FRMD4A: variants seen among roughly 807,000 people sequenced by gnomAD.
The protein encoded by FRMD4A is FERM domain-containing protein 4A.
FRMD4A carries 29 observed loss-of-function variants against 129.1 expected under a neutral mutation model. That is an observed-to-expected ratio of 0.22 (90% CI 0.17 to 0.31). FRMD4A has a LOEUF of 0.31. Among genes scored for constraint, FRMD4A ranks in the 10% least tolerant of loss-of-function variants. The pLI, the probability that FRMD4A is intolerant of heterozygous loss-of-function variation, is 1.00. For synonymous variants in FRMD4A, 634 were observed against 571.6 expected, an observed-to-expected ratio of 1.11 and a Z score of -1.56; for missense variants, 1,272 against 1,375.8, an observed-to-expected ratio of 0.92 and a Z score of 1.19.
chr10:13,835,101 G>A (rs2093852133), intron 3 of FRMD4A, among the ~76,000 whole-genome samples: 1 of 152,152 alleles, frequency 6.6e-6, no homozygotes, highest in South Asian at 2.1e-4. Context: ...TTTTCAAAAT[G>A]CATTCATTCA....
At position 14,301,869 on chromosome 10, in the gene FRMD4A, AG is replaced by A. The variant is rs1223211970; in HGVS notation, c.45+28188del. Among the ~76,000 whole-genome samples, 10 of 152,268 alleles carry A rather than the reference AG, an allele frequency of 6.6e-5. No homozygotes were observed. The East Asian group carries it at 1.2e-3, about 18-fold the overall frequency. ...GGTAAATAGAAATTGCCTGAAGAGT[AG>A]GCTGTATAACCCTGGATGGTTGGGT... On this transcript the variant is annotated intron_variant, in intron 2 of 24. Coordinates refer to ENST00000357447, the MANE Select transcript of FRMD4A (RefSeq NM_018027.5).
chr10:14,168,105 C>T (rs577858554), intron 2 of FRMD4A, among the ~76,000 whole-genome samples: 10 of 152,154 alleles, frequency 6.6e-5, no homozygotes, highest in East Asian at 1.9e-4. Flanking sequence ...AGAAGAGAGA[C>T]GAGGCAGAAT....
intron 2 of FRMD4A, among the ~76,000 whole-genome samples, chr10:13,892,368 C>G (rs1464168987): frequency 6.6e-6 from 1 of 152,022 alleles, no homozygotes; most frequent in Non-Finnish European, 1.5e-5. Flanking sequence ...GCAGGATAAC[C>G]GAGGCATGTG....
intron 4 of FRMD4A, among the ~76,000 whole-genome samples, chr10:13,796,977 C>T (rs2093133579): frequency 6.6e-6 from 1 of 152,198 alleles, no homozygotes; most frequent in South Asian, 2.1e-4. Context: ...ACCTCGGCCT[C>T]CCAAAGTGCT....
intron 2 of FRMD4A, among the ~76,000 whole-genome samples, chr10:14,108,260 CAT>C (rs1837688760): frequency 6.6e-6 from 1 of 152,168 alleles, no homozygotes; most frequent in Non-Finnish European, 1.5e-5. Context: ...TAAAACAACT[CAT>C]AAGCTATGCA....
Position 14,045,764 on chromosome 10 carries a change from T to A in FRMD4A, c.46-186852A>T, listed in dbSNP as rs573300064. Reference sequence around the variant, plus strand: ...TACCAGACATATATAATGTAAAGTATAATATATATCTATAATCATATTATA... The same window carrying A: ...TACCAGACATATATAATGTAAAGTAAAATATATATCTATAATCATATTATA... On this transcript the variant is annotated intron_variant, in intron 2 of 24. Coordinates refer to ENST00000357447, the MANE Select transcript of FRMD4A (RefSeq NM_018027.5). Among the ~76,000 whole-genome samples the A allele has an allele frequency of 5.0e-3, 725 of 145,756 alleles. 13 individuals are homozygous for A. Among genetic ancestry groups the A allele is most frequent in the African/African-American group, 0.017 (690 of 40,216 alleles).
At chr10:14,107,386 T>C (rs1837642976) in intron 2 of FRMD4A, among the ~76,000 whole-genome samples, 3 of 152,296 alleles carry the variant, frequency 2.0e-5, no homozygotes, top group Admixed American at 2.0e-4. Flanking sequence ...AACCAAAAGT[T>C]GCTTTAAATA....
chr10:14,294,110 G>C (rs1264749086), intron 2 of FRMD4A, among the ~76,000 whole-genome samples: 1 of 152,160 alleles, frequency 6.6e-6, no homozygotes, highest in African/African-American at 2.4e-5. Context: ...GTGCAGTCAA[G>C]CAGGGGCACC....
intron 2 of FRMD4A, among the ~76,000 whole-genome samples, chr10:14,242,343 A>G (rs967711107): frequency 6.6e-5 from 10 of 152,312 alleles, no homozygotes; most frequent in Middle Eastern, 3.4e-3. Flanking sequence ...CGCTAACTCA[A>G]ATCAGAAGCA....
intron 2 of FRMD4A, among the ~76,000 whole-genome samples, chr10:13,982,875 CA>C: frequency 6.6e-6 from 1 of 152,344 alleles, no homozygotes; most frequent in African/African-American, 2.4e-5. Context: ...AGGGCAAAGG[CA>C]AAGATTTCTC....
At position 13,719,672 on chromosome 10, in the gene FRMD4A, C is replaced by T. The variant is rs3814675; in HGVS notation, c.760-12559G>A. On this transcript the variant is annotated intron_variant, in intron 12 of 24. Coordinates refer to ENST00000357447, the MANE Select transcript of FRMD4A (RefSeq NM_018027.5). ...AGAAGGAGGGGGAAAAAAAGCCTTACACAGCTTCCTAAGTATTGGCTGGTT... is the reference window on the plus strand; with the variant it reads ...AGAAGGAGGGGGAAAAAAAGCCTTATACAGCTTCCTAAGTATTGGCTGGTT... Among the ~76,000 whole-genome samples the T allele has an allele frequency of 0.01, 1,579 of 152,272 alleles. 68 individuals carry two copies. The South Asian group carries it at 0.11, about 11-fold the overall frequency.
intron 5 of FRMD4A, among the ~76,000 whole-genome samples, chr10:13,793,381 G>A (rs909986074): frequency 4.0e-5 from 6 of 151,848 alleles, no homozygotes; most frequent in Non-Finnish European, 5.9e-5. Context: ...CATGTTGGCC[G>A]GGCTGGTCTC....
intron 2 of FRMD4A, among the ~76,000 whole-genome samples, chr10:14,199,983 C>G (rs980905729): frequency 4.7e-5 from 7 of 149,540 alleles, no homozygotes; most frequent in African/African-American, 1.7e-4. Context: ...ATGATTACAT[C>G]AAGCTTAACA....
chr10:13,694,622 T>C (rs1158996351), intron 14 of FRMD4A, among the ~76,000 whole-genome samples: 1 of 152,194 alleles, frequency 6.6e-6, no homozygotes, highest in Non-Finnish European at 1.5e-5. Context: ...CATGGAAAGT[T>C]TAGCTGATGG....
At chr10:13,742,131 C>T (rs2091041799) in intron 9 of FRMD4A, among the ~76,000 whole-genome samples, 1 of 152,222 alleles carries the variant, frequency 6.6e-6, no homozygotes, top group Admixed American at 6.5e-5. Flanking sequence ...GCTGGGATTA[C>T]AGGCGTGAGC....
chr10:14,088,216 G>A (rs763516773), intron 2 of FRMD4A, among the ~76,000 whole-genome samples: 4 of 152,124 alleles, frequency 2.6e-5, no homozygotes, highest in Non-Finnish European at 5.9e-5. Flanking sequence ...GGAGGCTGAG[G>A]TAAGAGGAAC....
intron 2 of FRMD4A, among the ~76,000 whole-genome samples, chr10:14,202,867 G>GGCTCAAGTGATCCTCCCAC (rs1842680293): frequency 6.6e-6 from 1 of 152,098 alleles, no homozygotes; most frequent in Non-Finnish European, 1.5e-5. Context: ...TGACCTCCCA[G>GGCTCAAGTGATCCTCCCAC]GCTCAAGTGA....
chr10:14,316,612 C>G (rs952149631), intron 2 of FRMD4A, among the ~76,000 whole-genome samples: 2 of 151,806 alleles, frequency 1.3e-5, no homozygotes, highest in African/African-American at 4.8e-5. Flanking sequence ...AGTTGGTCCT[C>G]TCAGAAGGAA....
At chr10:14,305,156 G>C (rs1846307801) in intron 2 of FRMD4A, among the ~76,000 whole-genome samples, 1 of 152,174 alleles carries the variant, frequency 6.6e-6, no homozygotes, top group African/African-American at 2.4e-5. Context: ...TCCAGTCTTG[G>C]TCAGTGTGAA....
Sources: allele counts gnomAD v4.1 joint callset (sites outside exome capture counted in the v4.1 genomes callset), GRCh38; gene constraint gnomAD v4.1.1; transcripts MANE v1.5; gene names NCBI Gene and HGNC (gene_info 2026-07-23, HGNC 2026-07-21).